The following FOSL1 variants were observed in gnomAD, a reference collection of about 807,000 sequenced individuals.
FOSL1 encodes FOS like 1, AP-1 transcription factor subunit, also known as fos-related antigen 1.
Under a neutral mutation model 24.9 loss-of-function variants are expected in FOSL1, and 14 were observed. That is an observed-to-expected ratio of 0.56 (90% CI 0.37 to 0.88). The LOEUF is 0.88. Among genes scored for constraint, FOSL1 ranks in the 40% least tolerant of loss-of-function variants. The pLI is 0.00. For missense variants in FOSL1, 318 were observed against 359.8 expected (o/e 0.88, Z 0.94); for synonymous variants, 133 against 145.1 (o/e 0.92, Z 0.60).
chr11:65,896,512 G>T (rs138397091), intron 2 of FOSL1, among the ~76,000 whole-genome samples: 2,549 of 152,092 alleles, frequency 0.017, 39 homozygotes, highest in Non-Finnish European at 0.02. Flanking sequence ...CTCCATCCTT[G>T]CTCCTGCCAC....
At position 65,896,874 on chromosome 11, in the gene FOSL1, G is replaced by C; in HGVS notation, c.232C>G (p.Pro78Ala). The change falls in exon 2 of 4, where the codon CCC becomes GCC. Residue 78 changes from proline (P) to alanine (A), a missense_variant. By Grantham distance (27) the Pro-to-Ala change is conservative. Transcript: ENST00000312562. ...AGGGCCCGGATGACTCCTGGCCGGG[G>C]TTGTGGGGGGCTGTACTGAGGGTAG... ...LTYPQYSPPQ[P>A]RPGVIRALGP... 6.2e-7 allele frequency: 1 copy of C among 1,613,904 alleles called. No homozygotes were observed. Among genetic ancestry groups the C allele is most frequent in the Non-Finnish European group, 8.5e-7 (1 of 1,179,832 alleles).
intron 3 of FOSL1, 109 bp from the exon 4 acceptor site, chr11:65,893,405 G>C (rs979466911): frequency 2.5e-6 from 2 of 794,168 alleles, no homozygotes; most frequent in Admixed American, 2.7e-5. Context: ...GGGGAGAGGG[G>C]GGGCAGTGGA....
chr11:65,895,225 G>A (rs1205595696), intron 2 of FOSL1, among the ~76,000 whole-genome samples: 3 of 147,970 alleles, frequency 2.0e-5, no homozygotes, highest in Admixed American at 6.9e-5. Flanking sequence ...CGGGGTTCAC[G>A]CCATTCTCCT....
Position 65,894,107 on chromosome 11 carries a change from T to C in FOSL1, c.312A>G (p.Glu104=). 6.2e-7 allele frequency: 1 copy of C among 1,606,292 alleles called. No individual in the cohort carries two copies. Among genetic ancestry groups the C allele is most frequent in the Non-Finnish European group, 8.5e-7 (1 of 1,178,920 alleles). Residue 104 remains glutamate, a synonymous_variant, in exon 3 of 4, where the codon GAA becomes GAG. Coordinates refer to ENST00000312562, the MANE Select transcript of FOSL1 (RefSeq NM_005438.5). ...CGCGCCTTACTCGGCGGCGCTCCTCTTCCTCCGGGCTGATCTGGGGGTGAG... is the reference window on the plus strand; with the variant it reads ...CGCGCCTTACTCGGCGGCGCTCCTCCTCCTCCGGGCTGATCTGGGGGTGAG... ...RRPCEQISPE[E]EERRRVRRER... is the part of the protein sequence containing the mutation.
chr11:65,893,242 G>T lies in FOSL1; in HGVS notation c.460C>A (p.Leu154Met), dbSNP rs1565287307. 3 of 1,613,918 alleles carry T rather than the reference G, an allele frequency of 1.9e-6. No homozygotes were observed. Among genetic ancestry groups the T allele is most frequent in the Non-Finnish European group, 2.5e-6 (3 of 1,179,946 alleles). Residue 154 changes from leucine (L) to methionine (M), a missense_variant, in exon 4 of 4, where the codon CTG (leucine) becomes ATG (methionine). By Grantham distance (15) the Leu-to-Met change is conservative. Coordinates refer to ENST00000312562, the MANE Select transcript of FOSL1 (RefSeq NM_005438.5). ...TCTAGGCGCTCCTTCTGCTTCTGCAGCTCCTCAATCTCTCGCTGCAGCCCA... is the reference window on the plus strand; with the variant it reads ...TCTAGGCGCTCCTTCTGCTTCTGCATCTCCTCAATCTCTCGCTGCAGCCCA... The part of the protein sequence containing the change: ...KSGLQREIEE[L>M]QKQKERLELV...
rs1465430396 is a variant in FOSL1 at position 65,892,541 on chromosome 11, T to C, written c.*345A>G. ...TGGGTGGATCACAGGAAGAGGGTGA[T>C]GGAGAGTGTGGCAGTGATCTGGAAG... On this transcript the variant is annotated 3_prime_UTR_variant, in exon 4 of 4. Coordinates refer to ENST00000312562, the MANE Select transcript of FOSL1 (RefSeq NM_005438.5). 3.9e-6 allele frequency: 2 copies of C among 514,164 alleles called. No individual in the cohort carries two copies. The highest frequency in any genetic ancestry group is 1.5e-5 in the South Asian group (1 of 64,992). The allele number at this position is 514,164 out of a possible 1,614,324, so 31.9% of individuals were successfully genotyped here.
At chr11:65,893,386 G>A (rs954586555) in intron 3 of FOSL1, 90 bp from the exon 4 acceptor site, 4 of 886,880 alleles carry the variant, frequency 4.5e-6, no homozygotes, top group Non-Finnish European at 5.0e-6. Context: ...AGGAGCTGGG[G>A]TTGGGCGGGG....
In FOSL1 at chr11:65,893,022, G is replaced by C. The variant is rs575175881; in HGVS notation, c.680C>G (p.Thr227Ser). The change falls in exon 4 of 4, where the codon ACT (threonine) becomes AGT (serine). Residue 227 changes from threonine (T) to serine (S), a missense_variant. Coordinates refer to ENST00000312562, the MANE Select transcript of FOSL1 (RefSeq NM_005438.5). ...GAAGACCAGGCTGGGGGTGAAAGGA[G>C]TTAGGGAGGGTGTGGTCATGAGTGT... is the stretch of plus-strand genomic sequence containing the variant. The part of the protein sequence containing the change: ...TPTLMTTPSL[T>S]PFTPSLVFTY... The C allele has an allele frequency of 1.1e-5, 18 of 1,612,384 alleles. No homozygotes were observed. The South Asian group carries it at 2.0e-4, about 18-fold the overall frequency.
At chr11:65,899,627 G>A (rs1860620734) in intron 1 of FOSL1, among the ~76,000 whole-genome samples, 2 of 152,394 alleles carry the variant, frequency 1.3e-5, no homozygotes, top group South Asian at 2.1e-4. Context: ...TTCGGCAAAG[G>A]GATCGAGGGC....
intron 1 of FOSL1, among the ~76,000 whole-genome samples, chr11:65,897,397 T>G (rs1440456999): frequency 6.6e-6 from 1 of 151,566 alleles, no homozygotes; most frequent in Non-Finnish European, 1.5e-5. Context: ...TGGAGTGTAG[T>G]GGCACGATCT....
intron 1 of FOSL1, 22 bp from the exon 2 acceptor site, chr11:65,897,028 G>T: frequency 6.3e-7 from 1 of 1,593,320 alleles, no homozygotes; most frequent in Non-Finnish European, 8.6e-7. Context: ...GAAATGGAAG[G>T]CCACAGATGA....
intron 1 of FOSL1, among the ~76,000 whole-genome samples, chr11:65,900,021 G>A (rs559987733): frequency 1.3e-5 from 2 of 152,374 alleles, no homozygotes; most frequent in East Asian, 3.9e-4. Context: ...GACGGCGAGG[G>A]AGAAGGGGGC....
rs11227334 is a variant in FOSL1 at position 65,893,647 on chromosome 11, C to T, written c.406-351G>A. Among the ~76,000 whole-genome samples the T allele has an allele frequency of 6.2e-3, 939 of 152,084 alleles. 22 individuals are homozygous for T. The East Asian group carries it at 0.096, about 15-fold the overall frequency. On this transcript the variant is annotated intron_variant, in intron 3 of 3. Coordinates refer to ENST00000312562, the MANE Select transcript of FOSL1 (RefSeq NM_005438.5). ...CTCTACTAAAAATACAAAAATTAGT[C>T]GGGTAGGGAGGCAGGCGCCTGTAGC...
Position 65,898,043 on chromosome 11 carries a change from C to CCGTTTTTTTTTTTTTT in FOSL1, c.100-1038_100-1037insAAAAAAAAAAAAAACG, listed in dbSNP as rs1416098633. Reference sequence around the variant, plus strand: ...ATTTGGCTAATTTTTTTTTTCTTTTCTGTTTTTTTTTTTTTGAGACACAGT... The same window carrying CCGTTTTTTTTTTTTTT: ...ATTTGGCTAATTTTTTTTTTCTTTTCCGTTTTTTTTTTTTTTTGTTTTTTTTTTTTTGAGACACAGT... On this transcript the variant is annotated intron_variant, in intron 1 of 3. Transcript: ENST00000312562. 1.6e-4 allele frequency among the ~76,000 whole-genome samples: 13 copies of CCGTTTTTTTTTTTTTT among 79,656 alleles called. 2 individuals are homozygous for CCGTTTTTTTTTTTTTT. The highest frequency in any genetic ancestry group is 1.8e-4 in the Non-Finnish European group (8 of 44,546). 52.3% of individuals were successfully genotyped at this position (79,656 alleles called of 152,430 possible).
Position 65,893,434 on chromosome 11 carries a change from G to A in FOSL1, c.406-138C>T, listed in dbSNP as rs1040576778. On this transcript the variant is annotated intron_variant, in intron 3 of 3. Transcript: ENST00000312562. ...CAGTGGAGAGTCCCCAGCAAGTCTGGACTACAACTCCCATAAGCCCCTGGG... is the reference window on the plus strand; with the variant it reads ...CAGTGGAGAGTCCCCAGCAAGTCTGAACTACAACTCCCATAAGCCCCTGGG... 21 of 661,788 alleles carry A rather than the reference G, an allele frequency of 3.2e-5. 1 individual carries two copies. In the South Asian group the frequency reaches 4.0e-4, roughly 12 times the overall value. The allele number at this position is 661,788 out of a possible 1,614,324, so 41.0% of individuals were successfully genotyped here.
intron 2 of FOSL1, among the ~76,000 whole-genome samples, chr11:65,895,391 T>C (rs1053413582): frequency 2.6e-5 from 4 of 152,314 alleles, no homozygotes; most frequent in Middle Eastern, 3.4e-3. Flanking sequence ...CCCAAAGTGC[T>C]GGGATTACAG....
At chr11:65,895,813 C>T (rs982740276) in intron 2 of FOSL1, among the ~76,000 whole-genome samples, 29 of 152,156 alleles carry the variant, frequency 1.9e-4, no homozygotes, top group African/African-American at 6.8e-4. Flanking sequence ...CTCTACCTGC[C>T]GACCAAGCTT....
At chr11:65,898,982 AGAAAG>A in intron 1 of FOSL1, among the ~76,000 whole-genome samples, 1 of 108,920 alleles carries the variant, frequency 9.2e-6, no homozygotes. Flanking sequence ...AAAAAAGAAA[AGAAAG>A]AGAAGGAAAG....
chr11:65,899,630 T>G (rs1860620872), intron 1 of FOSL1, among the ~76,000 whole-genome samples: 1 of 152,096 alleles, frequency 6.6e-6, no homozygotes, highest in South Asian at 2.1e-4. Context: ...GGCAAAGGGA[T>G]CGAGGGCCGG....
Sources: gnomAD v4.1 joint callset for allele counts (sites outside exome capture counted in the v4.1 genomes callset) on GRCh38, gnomAD v4.1.1 for gene constraint, MANE v1.5 for transcripts, NCBI Gene and HGNC (gene_info 2026-07-23, HGNC 2026-07-21) for gene names.